CTNNBL1: variants seen among roughly 807,000 people sequenced by gnomAD.
The protein encoded by CTNNBL1 is catenin beta like 1, also known as beta-catenin-like protein 1.
Under a neutral mutation model 72.7 loss-of-function variants are expected in CTNNBL1, and 31 were observed. That is an observed-to-expected ratio of 0.43 (90% CI 0.32 to 0.58). CTNNBL1 has a LOEUF of 0.58. CTNNBL1 is among the 20% of genes least tolerant of loss of function. The pLI is 0.08. For synonymous variants in CTNNBL1, 240 were observed against 267.3 expected (o/e 0.90, Z 1.00); for missense variants, 534 against 725.1 (o/e 0.74, Z 3.03).
chr20:37,754,386 G>A lies in CTNNBL1; in HGVS notation c.467-3173G>A, dbSNP rs538543523. Among the ~76,000 whole-genome samples the A allele has an allele frequency of 2.0e-5, 3 of 148,886 alleles. No homozygotes were observed. In the East Asian group the frequency reaches 6.0e-4, roughly 30 times the overall value. ...TCCTCCTGCCTTGGCCTCCCAAAGT[G>A]CTGGGATTATAGGTGTAAGCCACCG... On this transcript the variant is annotated intron_variant, in intron 4 of 15. Coordinates refer to ENST00000361383, the MANE Select transcript of CTNNBL1 (RefSeq NM_030877.5).
intron 11 of CTNNBL1, among the ~76,000 whole-genome samples, 173 bp from the exon 12 acceptor site, chr20:37,839,929 G>T (rs1035988114): frequency 6.6e-6 from 1 of 152,186 alleles, no homozygotes; most frequent in Non-Finnish European, 1.5e-5. Context: ...TGTGCAATGT[G>T]AAGATTGGTT....
At chr20:37,734,958 A>C (rs1211293684) in intron 2 of CTNNBL1, among the ~76,000 whole-genome samples, 1 of 152,222 alleles carries the variant, frequency 6.6e-6, no homozygotes, top group African/African-American at 2.4e-5. Context: ...AGAGTGGGGC[A>C]AGATGTTAGC....
At chr20:37,741,873 A>G (rs190663710) in intron 3 of CTNNBL1, among the ~76,000 whole-genome samples, 1 of 152,124 alleles carries the variant, frequency 6.6e-6, no homozygotes, top group Non-Finnish European at 1.5e-5. Context: ...TATTTTGATA[A>G]TTTTCTGACT....
chr20:37,826,022 C>T (rs771845854), intron 11 of CTNNBL1, among the ~76,000 whole-genome samples: 2 of 152,188 alleles, frequency 1.3e-5, no homozygotes, highest in Non-Finnish European at 2.9e-5. Flanking sequence ...GTGGACCTCT[C>T]CTTCAACCCA....
At chr20:37,850,353 G>A (rs943737795) in intron 13 of CTNNBL1, among the ~76,000 whole-genome samples, 4 of 152,178 alleles carry the variant, frequency 2.6e-5, no homozygotes, top group African/African-American at 7.2e-5. Flanking sequence ...TCTGCCACAC[G>A]TGATCTTTGT....
chr20:37,724,095 A>G (rs1568752015), intron 1 of CTNNBL1, among the ~76,000 whole-genome samples: 1 of 152,254 alleles, frequency 6.6e-6, no homozygotes, highest in Non-Finnish European at 1.5e-5. Flanking sequence ...AGAAGAGGTT[A>G]ACAGCAGATG....
chr20:37,845,851 TACCTC>T lies in CTNNBL1; in HGVS notation c.1392+3436_1392+3440del, dbSNP rs1347548341. Among the ~76,000 whole-genome samples, 3 of 152,328 alleles carry T rather than the reference TACCTC, an allele frequency of 2.0e-5. No homozygotes were observed. In the East Asian group the frequency reaches 5.8e-4, roughly 29 times the overall value. ...GATCAGTAGTGAATAATCTCTCACA[TACCTC>T]ACCAAGTCTGCAACCAAAAAACCTA... On this transcript the variant is annotated intron_variant, in intron 13 of 15. Transcript: ENST00000361383.
intron 1 of CTNNBL1, among the ~76,000 whole-genome samples, chr20:37,711,763 G>C (rs1003988668): frequency 1.1e-4 from 17 of 151,872 alleles, no homozygotes; most frequent in African/African-American, 4.1e-4. Flanking sequence ...AGAGCTGTGG[G>C]ACTGGCAGTA....
chr20:37,782,677 G>A (rs2073636369), intron 10 of CTNNBL1, among the ~76,000 whole-genome samples: 1 of 152,088 alleles, frequency 6.6e-6, no homozygotes, highest in African/African-American at 2.4e-5. Context: ...TAATCAATAT[G>A]ACAAAATTAT....
At chr20:37,784,263 G>A (rs1237393280) in intron 10 of CTNNBL1, among the ~76,000 whole-genome samples, 1 of 152,042 alleles carries the variant, frequency 6.6e-6, no homozygotes, top group African/African-American at 2.4e-5. Context: ...TGTGTTTCTT[G>A]TAGGCAATGG....
At chr20:37,777,785 CTG>C (rs2073589335) in intron 9 of CTNNBL1, 73 bp downstream of exon 9, 3 of 1,482,308 alleles carry the variant, frequency 2.0e-6, no homozygotes, top group Middle Eastern at 1.7e-4. Flanking sequence ...GAGCTGGAAA[CTG>C]TGGGAAGGAA....
chr20:37,744,992 A>G (rs557350103), intron 3 of CTNNBL1, among the ~76,000 whole-genome samples: 24 of 152,344 alleles, frequency 1.6e-4, no homozygotes, highest in African/African-American at 4.6e-4. Context: ...AGGCTTAAAC[A>G]TAAAGAGTAT....
intron 13 of CTNNBL1, among the ~76,000 whole-genome samples, chr20:37,857,818 G>T (rs4811233): frequency 0.048 from 7,316 of 152,186 alleles, 239 homozygotes; most frequent in South Asian, 0.086. Flanking sequence ...TATTGAGCAC[G>T]TGCCTTCTTA....
intron 11 of CTNNBL1, among the ~76,000 whole-genome samples, chr20:37,822,893 A>C (rs932748327): frequency 1.3e-5 from 2 of 152,242 alleles, no homozygotes; most frequent in Non-Finnish European, 2.9e-5. Flanking sequence ...GCTCCTCAGA[A>C]AGACCTGTCT....
chr20:37,867,217 A>T (rs187497854), intron 15 of CTNNBL1, among the ~76,000 whole-genome samples: 150 of 152,290 alleles, frequency 9.8e-4, no homozygotes, highest in African/African-American at 3.4e-3. Context: ...TTTTGTGGTT[A>T]TATGTACATC....
chr20:37,729,478 T>G (rs1335971024), intron 1 of CTNNBL1, among the ~76,000 whole-genome samples: 1 of 71,272 alleles, frequency 1.4e-5, no homozygotes, highest in African/African-American at 3.4e-5. Flanking sequence ...ATAGCTAGTG[T>G]TTTTTTTTTT....
At chr20:37,857,307 A>G (rs1213668437) in intron 13 of CTNNBL1, among the ~76,000 whole-genome samples, 3 of 152,352 alleles carry the variant, frequency 2.0e-5, no homozygotes, top group African/African-American at 7.2e-5. Context: ...GAAGCTAGGA[A>G]TTAGTGTTAG....
intron 7 of CTNNBL1, among the ~76,000 whole-genome samples, chr20:37,774,718 A>C (rs1489868598): frequency 2.0e-5 from 3 of 152,182 alleles, no homozygotes; most frequent in African/African-American, 7.2e-5. Flanking sequence ...CAGCCACTTC[A>C]TGAGGAAGAT....
chr20:37,809,230 A>G (rs2071988115), intron 11 of CTNNBL1, among the ~76,000 whole-genome samples: 1 of 152,208 alleles, frequency 6.6e-6, no homozygotes, highest in South Asian at 2.1e-4. Flanking sequence ...TACAATTACA[A>G]AGACATACTA....
Sources: gnomAD v4.1 joint callset for allele counts (sites outside exome capture counted in the v4.1 genomes callset) on GRCh38, gnomAD v4.1.1 for gene constraint, MANE v1.5 for transcripts, NCBI Gene and HGNC (gene_info 2026-07-23, HGNC 2026-07-21) for gene names.